SETD2: variants seen among roughly 807,000 people sequenced by gnomAD.
The protein encoded by SETD2 is SET domain containing 2, histone lysine methyltransferase, also known as histone-lysine N-methyltransferase SETD2.
Under a neutral mutation model 242.1 loss-of-function variants are expected in SETD2, and 31 were observed. That is an observed-to-expected ratio of 0.13 (90% CI 0.10 to 0.17). SETD2 has a LOEUF of 0.17. SETD2 is among the 10% of genes least tolerant of loss of function. The pLI, the probability that SETD2 is intolerant of heterozygous loss-of-function variation, is 1.00. For synonymous variants in SETD2, 1,006 were observed against 1,066.5 expected (o/e 0.94, Z 1.11); for missense variants, 2,481 against 3,046.3 (o/e 0.81, Z 4.37).
intron 15 of SETD2, among the ~76,000 whole-genome samples, chr3:47,050,835 A>G (rs1015519174): frequency 2.8e-5 from 4 of 143,894 alleles, no homozygotes; most frequent in African/African-American, 1.0e-4. Flanking sequence ...TGTTCAAGCA[A>G]TTCTCCTGCC....
intron 18 of SETD2, among the ~76,000 whole-genome samples, chr3:47,022,454 G>C (rs144209171): frequency 6.6e-6 from 1 of 152,236 alleles, no homozygotes; most frequent in Non-Finnish European, 1.5e-5. Flanking sequence ...AGTGAGCTGT[G>C]ATCATGCTAC....
intron 17 of SETD2, 34 bp from the exon 18 acceptor site, chr3:47,037,811 G>T: frequency 1.4e-6 from 2 of 1,472,594 alleles, no homozygotes; most frequent in Non-Finnish European, 1.9e-6. Flanking sequence ...TGCTGTCAGG[G>T]CTAGGAAACA....
Position 47,130,776 on chromosome 3 carries a change from GA to G in SETD2, c.72-4114del, listed in dbSNP as rs896947601. 8.9e-5 allele frequency among the ~76,000 whole-genome samples: 13 copies of G among 145,546 alleles called. No individual in the cohort carries two copies. In the South Asian group the frequency reaches 1.1e-3, roughly 12 times the overall value. On this transcript the variant is annotated intron_variant, in intron 1 of 20. Coordinates refer to ENST00000409792, the MANE Select transcript of SETD2 (RefSeq NM_014159.7). Reference sequence around the variant, plus strand: ...TCTTCTTTCAAAAAACTACTACAGAGAAAAAAAAAAGAATATGTTAGCCAGT... The same window carrying G: ...TCTTCTTTCAAAAAACTACTACAGAGAAAAAAAAAGAATATGTTAGCCAGT...
intron 12 of SETD2, among the ~76,000 whole-genome samples, chr3:47,072,619 G>A (rs2107612643): frequency 6.6e-6 from 1 of 152,090 alleles, no homozygotes; most frequent in Non-Finnish European, 1.5e-5. Context: ...CCAGGAGCCT[G>A]GGCAATATAG....
At chr3:47,158,909 C>T (rs1190786934) in intron 1 of SETD2, among the ~76,000 whole-genome samples, 1 of 152,102 alleles carries the variant, frequency 6.6e-6, no homozygotes, top group Non-Finnish European at 1.5e-5. Context: ...AGGTAATTTT[C>T]CCAAGTTCAC....
At chr3:47,049,925 A>G (rs1559664956) in intron 15 of SETD2, among the ~76,000 whole-genome samples, 3 of 146,460 alleles carry the variant, frequency 2.0e-5, no homozygotes, top group African/African-American at 7.4e-5. Context: ...TATATATTAT[A>G]TATAAACTTA....
chr3:47,105,651 C>T, intron 6 of SETD2: 1 of 448,588 alleles, frequency 2.2e-6, no homozygotes, highest in Non-Finnish European at 4.4e-6. Context: ...GTCGGCAGGA[C>T]ACGGTGGCTC....
At position 47,124,358 on chromosome 3, in the gene SETD2, C is replaced by T. The variant is rs2106726329; in HGVS notation, c.278G>A (p.Gly93Asp). ...TLQNRFLTALGNEKQSDTPNP... is the reference protein window; with the variant it reads ...TLQNRFLTALDNEKQSDTPNP... ...TGGAGTATCACTTTGCTTTTCATTG[C>T]CAAGTGCAGTGAGAAACCTATTCTG... The change falls in exon 3 of 21, where the codon GGC (glycine) becomes GAC (aspartate). Residue 93 changes from glycine to aspartate, a missense_variant. Around this residue, in one of 17 missense-constraint regions of SETD2, gnomAD observed 334 missense variants for 374.5 expected, o/e 0.89. Transcript: ENST00000409792. The T allele has an allele frequency of 6.4e-7, 1 of 1,551,750 alleles. No homozygotes were observed.
Position 47,121,918 on chromosome 3 carries a change from T to G in SETD2, c.2718A>C (p.Pro906=), listed in dbSNP as rs774500085. 1 of 1,613,988 alleles carries G rather than the reference T, an allele frequency of 6.2e-7. No individual in the cohort carries two copies. The highest frequency in any genetic ancestry group is 8.5e-7 in the Non-Finnish European group (1 of 1,179,950). Residue 906 remains proline, a synonymous_variant, in exon 3 of 21, where the codon CCA becomes CCC. Coordinates refer to ENST00000409792, the MANE Select transcript of SETD2 (RefSeq NM_014159.7). ...TLLKCGENTS[P]VLDAVLKSKK... is the part of the protein sequence containing the mutation. ...TACTCTTTAGCACTGCATCCAGAAC[T>G]GGAGATGTGTTCTCTCCGCATTTCA...
At position 47,057,142 on chromosome 3, in the gene SETD2, T is replaced by C. The variant is rs934104750; in HGVS notation, c.6642A>G (p.Thr2214=). The C allele has an allele frequency of 3.7e-6, 6 of 1,613,966 alleles. No homozygotes were observed. The Admixed American group carries it at 5.0e-5, about 13-fold the overall frequency. The part of the protein sequence containing the change: ...DHAQPLVGHS[T]EPLSAPPPVP... The stretch of plus-strand genomic sequence containing the variant: ...CTGGTGGAGGGGCAGAAAGGGGTTC[T>C]GTAGAATGTCCCACCAAGGGCTGAG... The change falls in exon 15 of 21, where the codon ACA becomes ACG. Residue 2214 remains threonine, a synonymous_variant. Transcript: ENST00000409792.
At chr3:47,127,100 T>C (rs1434537640) in intron 1 of SETD2, among the ~76,000 whole-genome samples, 2 of 152,214 alleles carry the variant, frequency 1.3e-5, no homozygotes, top group Non-Finnish European at 2.9e-5. Context: ...TTCACACCTG[T>C]AATCCCAGCA....
chr3:47,150,281 G>T (rs1042760973), intron 1 of SETD2, among the ~76,000 whole-genome samples: 3 of 151,804 alleles, frequency 2.0e-5, no homozygotes, highest in African/African-American at 7.3e-5. Flanking sequence ...CTTGTGATTC[G>T]CCCGCCTCGG....
intron 9 of SETD2, among the ~76,000 whole-genome samples, chr3:47,092,938 A>C (rs1399764620): frequency 1.3e-5 from 2 of 152,160 alleles, no homozygotes; most frequent in Admixed American, 1.3e-4. Context: ...CATTTTAAGA[A>C]ATAGGTCTTC....
intron 1 of SETD2, among the ~76,000 whole-genome samples, chr3:47,154,871 G>C (rs566689121): frequency 3.3e-5 from 5 of 152,052 alleles, no homozygotes; most frequent in Non-Finnish European, 7.4e-5. Flanking sequence ...GCGGGCGCCT[G>C]TAGTCCCAGC....
Position 47,120,265 on chromosome 3 carries a change from T to C in SETD2, c.4371A>G (p.Pro1457=). The change falls in exon 3 of 21, where the codon CCA becomes CCG. Residue 1457 remains proline (P), a synonymous_variant. Transcript: ENST00000409792. ...PSCVMDDFRD[P]QRWKECAKQG... ...GCTTGGCACATTCCTTCCATCGCTG[T>C]GGGTCCCTGAAGTCATCCATGACAC... The C allele has an allele frequency of 6.2e-7, 1 of 1,609,142 alleles. No individual in the cohort carries two copies.
At chr3:47,133,336 G>A (rs1250301829) in intron 1 of SETD2, among the ~76,000 whole-genome samples, 1 of 152,154 alleles carries the variant, frequency 6.6e-6, no homozygotes, top group African/African-American at 2.4e-5. Context: ...TTACAGGCAT[G>A]AGCAACTGTA....
rs2106666601 is a variant in SETD2, at chr3:47,122,008, A to C, written c.2628T>G (p.Ser876Arg). ...HFDDLYQPIG[S>R]SGIASSLQSL... ...TCTGAAGAGATGAAGCAATACCTGA[A>C]CTCCCAATAGGTTGATATAAATCAT... Residue 876 changes from serine (S) to arginine (R), a missense_variant, in exon 3 of 21, where the codon AGT (serine) becomes AGG (arginine). Physicochemically the swap from Ser to Arg is moderately radical, Grantham distance 110 (BLOSUM62 -1). Transcript: ENST00000409792. 1.2e-6 allele frequency: 2 copies of C among 1,613,774 alleles called. No individual in the cohort carries two copies. Among genetic ancestry groups the C allele is most frequent in the Middle Eastern group, 1.7e-4 (1 of 6,060 alleles).
In SETD2 at chr3:47,086,401, C is replaced by T. The variant is rs756115230; in HGVS notation, c.5278-87G>A. 1.9e-4 allele frequency: 249 copies of T among 1,341,104 alleles called. 3 individuals are homozygous for T. Among genetic ancestry groups the T allele is most frequent in the Non-Finnish European group, 2.3e-4 (225 of 957,458 alleles). The allele number at this position is 1,341,104 out of a possible 1,614,324, so 83.1% of individuals were successfully genotyped here. Reference sequence around the variant, plus strand: ...AGAGCCCGAGGAGAGTTCATGTATACGTTACACATTATAGGGTTCACTTAC... The same window carrying T: ...AGAGCCCGAGGAGAGTTCATGTATATGTTACACATTATAGGGTTCACTTAC... On this transcript the variant is annotated intron_variant, in intron 10 of 20. Transcript: ENST00000409792.
At chr3:47,021,827 C>T (rs1360626713) in intron 18 of SETD2, among the ~76,000 whole-genome samples, 1 of 152,082 alleles carries the variant, frequency 6.6e-6, no homozygotes, top group Non-Finnish European at 1.5e-5. Flanking sequence ...CTTAGGACCC[C>T]CCACTCCAAA....
Sources: allele counts gnomAD v4.1 joint callset (sites outside exome capture counted in the v4.1 genomes callset), GRCh38; gene constraint gnomAD v4.1.1; regional missense constraint gnomAD v4.1.1; transcripts MANE v1.5; gene names NCBI Gene and HGNC (gene_info 2026-07-23, HGNC 2026-07-21).